Variants in CHSY1 observed in about 807,000 individuals in gnomAD.
CHSY1 encodes the protein N-acetylgalactosaminyl-proteoglycan 3-beta-glucuronosyltransferase 1.
In CHSY1, 13 loss-of-function variants were observed where a neutral mutation model predicts 59.8. The ratio of observed to expected loss-of-function variants is 0.22; its 90% CI spans 0.14 to 0.35. The LOEUF (loss-of-function observed/expected upper bound fraction) is 0.35, where lower values mean the gene tolerates loss of function less well. CHSY1 is among the 10% of genes least tolerant of loss of function. CHSY1 has a pLI of 1.00. For synonymous variants in CHSY1, 459 were observed against 401.2 expected, an observed-to-expected ratio of 1.14 and a Z score of -1.72; for missense variants, 947 against 1,030.6, an observed-to-expected ratio of 0.92 and a Z score of 1.11.
intron 2 of CHSY1, among the ~76,000 whole-genome samples, chr15:101,201,412 T>C (rs1236926988): frequency 6.6e-6 from 1 of 151,906 alleles, no homozygotes; most frequent in Admixed American, 6.6e-5. Flanking sequence ...TGGGGACGAG[T>C]GAGCAGAAGA....
chr15:101,207,539 C>T (rs777846678), intron 2 of CHSY1, among the ~76,000 whole-genome samples: 8 of 152,092 alleles, frequency 5.3e-5, no homozygotes, highest in African/African-American at 9.7e-5. Context: ...ATTCATCAAA[C>T]ACTCAAGTGC....
intron 2 of CHSY1, among the ~76,000 whole-genome samples, chr15:101,213,827 G>A (rs1290748425): frequency 6.6e-6 from 1 of 152,228 alleles, no homozygotes; most frequent in East Asian, 1.9e-4. Flanking sequence ...AGTTCCTACT[G>A]TGTGTAATTT....
At chr15:101,207,395 A>G (rs1460908798) in intron 2 of CHSY1, among the ~76,000 whole-genome samples, 1 of 152,242 alleles carries the variant, frequency 6.6e-6, no homozygotes, top group Non-Finnish European at 1.5e-5. Context: ...TCTGATTTTT[A>G]GAACCAACTC....
chr15:101,237,223 A>G (rs922654756), intron 1 of CHSY1, among the ~76,000 whole-genome samples: 1 of 49,142 alleles, frequency 2.0e-5, no homozygotes, highest in African/African-American at 2.3e-4. Context: ...GACTCCATCT[A>G]AAAAAAAAAA....
At chr15:101,222,099 A>G (rs936016754) in intron 2 of CHSY1, among the ~76,000 whole-genome samples, 1 of 152,198 alleles carries the variant, frequency 6.6e-6, no homozygotes, top group African/African-American at 2.4e-5. Context: ...TCAACTGATA[A>G]GCTCTTTGTA....
At chr15:101,212,867 A>G (rs1567097844) in intron 2 of CHSY1, among the ~76,000 whole-genome samples, 1 of 152,230 alleles carries the variant, frequency 6.6e-6, no homozygotes, top group Non-Finnish European at 1.5e-5. Flanking sequence ...GCATCAAAAT[A>G]TAAGATGGTT....
Position 101,177,217 on chromosome 15 carries a change from GC to G in CHSY1, c.*170del. On this transcript the variant is annotated 3_prime_UTR_variant, in exon 3 of 3. Coordinates refer to ENST00000254190, the MANE Select transcript of CHSY1 (RefSeq NM_014918.5). ...GTTCAGCAAGAAGATGTGTTCAAAGGCAAACACTGATCACCTTCTTGTTCAG... is the reference window on the plus strand; with the variant it reads ...GTTCAGCAAGAAGATGTGTTCAAAGGAAACACTGATCACCTTCTTGTTCAG... 1.6e-6 allele frequency: 1 copy of G among 618,900 alleles called. No homozygotes were observed. The highest frequency in any genetic ancestry group is 2.7e-6 in the Non-Finnish European group (1 of 364,786). 38.3% of individuals were successfully genotyped at this position (618,900 alleles called of 1,614,324 possible).
At chr15:101,237,039 G>A (rs2038951122) in intron 1 of CHSY1, among the ~76,000 whole-genome samples, 3 of 144,068 alleles carry the variant, frequency 2.1e-5, no homozygotes, top group Admixed American at 2.0e-4. Context: ...CCAACATGGT[G>A]AAACCCCATC....
intron 1 of CHSY1, among the ~76,000 whole-genome samples, chr15:101,236,396 T>C (rs554950528): frequency 2.0e-5 from 3 of 152,322 alleles, no homozygotes; most frequent in Non-Finnish European, 4.4e-5. Flanking sequence ...TGAGATCTCA[T>C]AGTTTTACAA....
Position 101,235,544 on chromosome 15 carries a change from C to G in CHSY1, c.354G>C (p.Gln118His), listed in dbSNP as rs369607230. 1.9e-6 allele frequency: 3 copies of G among 1,612,368 alleles called. No homozygotes were observed. The highest frequency in any genetic ancestry group is 1.3e-5 in the African/African-American group (1 of 74,874). Residue 118 changes from glutamine (Q) to histidine (H), a missense_variant, in exon 2 of 3, where the codon CAG (glutamine) becomes CAC (histidine). Transcript: ENST00000254190. ...TGTCAGAACCCTCACTTGAGAAGAACTGAACTTTCCCAGGAATTGTCTTGG... is the reference window on the plus strand; with the variant it reads ...TGTCAGAACCCTCACTTGAGAAGAAGTGAACTTTCCCAGGAATTGTCTTGG... ...TWSKTIPGKV[Q>H]FFSSEGSDTS...
At chr15:101,204,283 A>G (rs909073807) in intron 2 of CHSY1, among the ~76,000 whole-genome samples, 1 of 151,946 alleles carries the variant, frequency 6.6e-6, no homozygotes, top group African/African-American at 2.4e-5. Flanking sequence ...AAAATACAAA[A>G]ATTAGCTGGG....
At chr15:101,221,379 G>A (rs767588005) in intron 2 of CHSY1, among the ~76,000 whole-genome samples, 5 of 152,106 alleles carry the variant, frequency 3.3e-5, no homozygotes, top group Non-Finnish European at 2.9e-5. Context: ...TGTAATTCCA[G>A]CTACTCAGGA....
chr15:101,238,544 C>A (rs551955689), intron 1 of CHSY1, among the ~76,000 whole-genome samples: 1 of 152,264 alleles, frequency 6.6e-6, no homozygotes, highest in Admixed American at 6.5e-5. Context: ...ATTGTTTTAT[C>A]TATCAACAAA....
At chr15:101,195,471 T>C (rs768469181) in intron 2 of CHSY1, among the ~76,000 whole-genome samples, 1 of 152,232 alleles carries the variant, frequency 6.6e-6, no homozygotes, top group Non-Finnish European at 1.5e-5. Flanking sequence ...TAAAGGCTAA[T>C]GGTAAAGGTA....
intron 2 of CHSY1, among the ~76,000 whole-genome samples, chr15:101,218,332 A>G (rs1016792812): frequency 6.6e-6 from 1 of 152,022 alleles, no homozygotes; most frequent in Non-Finnish European, 1.5e-5. Flanking sequence ...ACAGTGGCTC[A>G]TGCCTGTTAA....
chr15:101,226,451 C>A (rs1047525727), intron 2 of CHSY1, among the ~76,000 whole-genome samples: 2 of 152,212 alleles, frequency 1.3e-5, no homozygotes, highest in Admixed American at 6.5e-5. Flanking sequence ...CAAGACCACA[C>A]AGCTAGTGAA....
At chr15:101,221,763 A>C (rs1006552021) in intron 2 of CHSY1, among the ~76,000 whole-genome samples, 2 of 152,228 alleles carry the variant, frequency 1.3e-5, no homozygotes, top group African/African-American at 2.4e-5. Context: ...AGACATGTTA[A>C]CTATGTGAAA....
At chr15:101,208,157 T>C (rs2038646601) in intron 2 of CHSY1, among the ~76,000 whole-genome samples, 1 of 151,824 alleles carries the variant, frequency 6.6e-6, no homozygotes, top group Admixed American at 6.6e-5. Context: ...GGATTTGGAG[T>C]ATCAGGGGGA....
intron 2 of CHSY1, among the ~76,000 whole-genome samples, chr15:101,210,335 A>C (rs1490200972): frequency 1.3e-5 from 2 of 152,226 alleles, no homozygotes; most frequent in African/African-American, 2.4e-5. Context: ...ACCTCTTAAG[A>C]CTTTATCTTC....
Sources: gnomAD v4.1 joint callset for allele counts (sites outside exome capture counted in the v4.1 genomes callset) on GRCh38, gnomAD v4.1.1 for gene constraint, MANE v1.5 for transcripts, NCBI Gene and HGNC (gene_info 2026-07-23, HGNC 2026-07-21) for gene names.